CORO2B: variants seen among roughly 807,000 people sequenced by gnomAD.
The protein encoded by CORO2B is coronin-2B.
In CORO2B, 26 loss-of-function variants were observed where a neutral mutation model predicts 58.8. That is an observed-to-expected ratio of 0.44 (90% CI 0.32 to 0.61). The LOEUF is 0.61. Among genes scored for constraint, CORO2B ranks in the 20% least tolerant of loss-of-function variants. CORO2B has a pLI of 0.04. For synonymous variants in CORO2B, 242 were observed against 253.8 expected (o/e 0.95, Z 0.44); for missense variants, 460 against 645.1 (o/e 0.71, Z 3.11).
At chr15:68,567,293 A>C in the CORO2B span, among the ~76,000 whole-genome samples, 1 of 152,190 alleles carries the variant, frequency 6.6e-6, no homozygotes. Flanking sequence ...GGATCTCCAT[A>C]AGAGAGTGAA....
At chr15:68,526,352 GA>G in the CORO2B span, among the ~76,000 whole-genome samples, 6 of 152,170 alleles carry the variant, frequency 3.9e-5, no homozygotes, top group Non-Finnish European at 8.8e-5. Context: ...AAAATTTTCT[GA>G]AGGGGCTATA....
upstream of CORO2B, among the ~76,000 whole-genome samples, chr15:68,577,250 C>A (rs574759076): frequency 2.6e-5 from 4 of 152,158 alleles, no homozygotes; most frequent in Non-Finnish European, 4.4e-5. Context: ...CTGCAGTTCA[C>A]GGATTCAAAG....
intron 1 of CORO2B, among the ~76,000 whole-genome samples, chr15:68,620,645 G>A (rs955249701): frequency 5.3e-5 from 8 of 152,124 alleles, no homozygotes; most frequent in Non-Finnish European, 1.0e-4. Context: ...TGCCTTCTCT[G>A]TTTTATTCTC....
chr15:68,667,988 C>T (rs1389627378), intron 2 of CORO2B, among the ~76,000 whole-genome samples: 1 of 152,206 alleles, frequency 6.6e-6, no homozygotes, highest in Non-Finnish European at 1.5e-5. Flanking sequence ...GTCATGATGA[C>T]AGTAATCACC....
At chr15:68,591,759 C>G (rs1899712536) in intron 1 of CORO2B, among the ~76,000 whole-genome samples, 1 of 152,176 alleles carries the variant, frequency 6.6e-6, no homozygotes, top group Non-Finnish European at 1.5e-5. Context: ...ATGGTATGGG[C>G]CTTTCCCATC....
chr15:68,557,420 G>A, the CORO2B span, among the ~76,000 whole-genome samples: 3 of 152,082 alleles, frequency 2.0e-5, no homozygotes, highest in African/African-American at 7.2e-5. Flanking sequence ...CAAGGCTGAG[G>A]TTAAGGGGTC....
chr15:68,562,756 C>T, the CORO2B span, among the ~76,000 whole-genome samples: 3 of 152,058 alleles, frequency 2.0e-5, no homozygotes, highest in South Asian at 2.1e-4. Flanking sequence ...AGGTGGGTCA[C>T]GAGGGGTCAG....
upstream of CORO2B, among the ~76,000 whole-genome samples, chr15:68,575,588 G>A (rs866892550): frequency 4.4e-4 from 7 of 15,754 alleles, no homozygotes; most frequent in Middle Eastern, 0.029. Flanking sequence ...CCCCCGCCTC[G>A]GCCTCCCAAA....
chr15:68,622,480 G>T (rs943082627), intron 1 of CORO2B, among the ~76,000 whole-genome samples: 3 of 152,166 alleles, frequency 2.0e-5, no homozygotes, highest in Admixed American at 6.5e-5. Context: ...ACCTGAACCT[G>T]CTATATGAGT....
At chr15:68,615,021 T>C (rs1900320866) in intron 1 of CORO2B, among the ~76,000 whole-genome samples, 1 of 152,210 alleles carries the variant, frequency 6.6e-6, no homozygotes, top group South Asian at 2.1e-4. Flanking sequence ...GGATGCTGTG[T>C]ACAGGAGCTG....
chr15:68,538,085 A>T, the CORO2B span, among the ~76,000 whole-genome samples: 3 of 152,228 alleles, frequency 2.0e-5, no homozygotes, highest in Non-Finnish European at 4.4e-5. Context: ...CTATTCAGAG[A>T]AATATATAAT....
intron 1 of CORO2B, among the ~76,000 whole-genome samples, chr15:68,614,762 AGCGG>A (rs1900313763): frequency 6.6e-6 from 1 of 152,164 alleles, no homozygotes; most frequent in South Asian, 2.1e-4. Context: ...CCAGGGCTGC[AGCGG>A]GCCCTTTATC....
At chr15:68,543,332 C>G in the CORO2B span, among the ~76,000 whole-genome samples, 1 of 152,166 alleles carries the variant, frequency 6.6e-6, no homozygotes, top group South Asian at 2.1e-4. Flanking sequence ...CCTCCCTCCC[C>G]CTGACTGGGA....
intron 2 of CORO2B, among the ~76,000 whole-genome samples, chr15:68,668,320 T>C (rs1280388091): frequency 2.0e-5 from 3 of 152,104 alleles, no homozygotes; most frequent in African/African-American, 4.8e-5. Flanking sequence ...TTCTGGATCA[T>C]GCAGACAACA....
intron 1 of CORO2B, among the ~76,000 whole-genome samples, chr15:68,607,334 C>T (rs887192592): frequency 6.6e-6 from 1 of 152,184 alleles, no homozygotes; most frequent in Non-Finnish European, 1.5e-5. Flanking sequence ...TGAGCTTCCT[C>T]ATGGCATGGC....
chr15:68,614,843 G>C (rs147150360), intron 1 of CORO2B, among the ~76,000 whole-genome samples: 1 of 152,206 alleles, frequency 6.6e-6, no homozygotes, highest in Non-Finnish European at 1.5e-5. Flanking sequence ...TCTTAGTGAC[G>C]GGCCTGTTGT....
At chr15:68,700,201 G>T (rs966649382) in intron 3 of CORO2B, among the ~76,000 whole-genome samples, 3 of 152,176 alleles carry the variant, frequency 2.0e-5, no homozygotes, top group African/African-American at 4.8e-5. Flanking sequence ...CCAGACCCAG[G>T]CTTGGGAGGT....
intron 8 of CORO2B, among the ~76,000 whole-genome samples, chr15:68,717,915 C>T (rs950486394): frequency 2.0e-5 from 3 of 152,180 alleles, no homozygotes; most frequent in Non-Finnish European, 4.4e-5. Flanking sequence ...ACATATTCTG[C>T]TGATCACCTC....
the CORO2B span, among the ~76,000 whole-genome samples, chr15:68,568,988 T>C: frequency 6.6e-6 from 1 of 151,450 alleles, no homozygotes; most frequent in Admixed American, 6.6e-5. Flanking sequence ...TAAAAGAAAA[T>C]AAAAATTTTA....
Sources: gnomAD v4.1 joint callset for allele counts (sites outside exome capture counted in the v4.1 genomes callset) on GRCh38, gnomAD v4.1.1 for gene constraint, MANE v1.5 for transcripts, NCBI Gene and HGNC (gene_info 2026-07-23, HGNC 2026-07-21) for gene names.